Variants in TTC6 observed in about 807,000 individuals in gnomAD.
TTC6 encodes the protein tetratricopeptide repeat domain 6.
In TTC6, 172 loss-of-function variants were observed where a neutral mutation model predicts 210.4. The observed-to-expected ratio is 0.82, with a 90% CI of 0.72 to 0.93. The LOEUF is 0.93. Among genes scored for constraint, TTC6 ranks in the 40% least tolerant of loss-of-function variants. TTC6 has a pLI of 0.00. For synonymous variants in TTC6, 804 were observed against 819.6 expected, an observed-to-expected ratio of 0.98 and a Z score of 0.32; for missense variants, 2,414 against 2,318.1, an observed-to-expected ratio of 1.04 and a Z score of -0.85.
chr14:37,802,053 A>G (rs1439799700), intron 20 of TTC6: 1 of 152,218 alleles, frequency 6.6e-6, no homozygotes, highest in African/African-American at 2.4e-5. Context: ...ACGATGGAAT[A>G]TTATGCAGCA....
At chr14:37,759,209 G>C (rs961692207) in intron 14 of TTC6, among the ~76,000 whole-genome samples, 3 of 150,254 alleles carry the variant, frequency 2.0e-5, no homozygotes, top group African/African-American at 7.4e-5. Flanking sequence ...GTTGCAATGA[G>C]CCGAGATCGC....
chr14:37,624,822 CATGTTAG>C (rs2095657497), intron 1 of TTC6, among the ~76,000 whole-genome samples: 1 of 151,988 alleles, frequency 6.6e-6, no homozygotes. Context: ...AGGGTTTCAC[CATGTTAG>C]CCAGGATGGT....
At chr14:37,728,888 C>G (rs966917) in intron 7 of TTC6, among the ~76,000 whole-genome samples, 81,692 of 152,000 alleles carry the variant, frequency 0.54, 22,726 homozygotes, top group African/African-American at 0.68. Context: ...AGCATTCCCC[C>G]TCCTTAATGC....
chr14:37,661,248 T>A (rs1342798010), intron 1 of TTC6, among the ~76,000 whole-genome samples: 2 of 152,212 alleles, frequency 1.3e-5, no homozygotes, highest in African/African-American at 4.8e-5. Context: ...GTCTTTGCCA[T>A]ACAATCTTTG....
At chr14:37,684,972 A>G (rs556212069) in intron 3 of TTC6, among the ~76,000 whole-genome samples, 1 of 152,332 alleles carries the variant, frequency 6.6e-6, no homozygotes, top group Non-Finnish European at 1.5e-5. Context: ...CAGAAAAAGT[A>G]GAGAATTTGA....
Position 37,668,148 on chromosome 14 carries a change from T to A in TTC6, c.940-12003T>A, listed in dbSNP as rs177897. Among the ~76,000 whole-genome samples the A allele has an allele frequency of 3.8e-3, 575 of 149,850 alleles. 11 individuals are homozygous for A. Among genetic ancestry groups the A allele is most frequent in the African/African-American group, 0.013 (520 of 41,292 alleles). The stretch of plus-strand genomic sequence containing the variant: ...AGACTTCATCTAAAAAAAAAAAAAT[T>A]TGGCTGGATACCTCCTGACTGCAGG... On this transcript the variant is annotated intron_variant, in intron 1 of 30. Transcript: ENST00000553443.
intron 4 of TTC6, among the ~76,000 whole-genome samples, chr14:37,699,705 G>C (rs1338832154): frequency 6.6e-6 from 1 of 152,196 alleles, no homozygotes; most frequent in Non-Finnish European, 1.5e-5. Flanking sequence ...GAACACACCT[G>C]AGCAACCCTG....
intron 10 of TTC6, among the ~76,000 whole-genome samples, chr14:37,744,392 G>A (rs2095929793): frequency 6.6e-6 from 1 of 152,216 alleles, no homozygotes; most frequent in Non-Finnish European, 1.5e-5. Flanking sequence ...ATTTTAGACA[G>A]AGTGGTCAGA....
intron 23 of TTC6, among the ~76,000 whole-genome samples, chr14:37,808,176 T>G (rs1214471718): frequency 6.6e-6 from 1 of 152,214 alleles, no homozygotes. Context: ...TCTTTGTAGC[T>G]ATTTTATATG....
At chr14:37,771,353 C>G (rs1263080710) in intron 14 of TTC6, among the ~76,000 whole-genome samples, 2 of 151,832 alleles carry the variant, frequency 1.3e-5, no homozygotes, top group Admixed American at 6.6e-5. Flanking sequence ...GTTGGCCTAC[C>G]TTGCTAGACT....
Position 37,656,534 on chromosome 14 carries a change from T to C in TTC6, c.940-23617T>C, listed in dbSNP as rs911589944. Among the ~76,000 whole-genome samples the C allele has an allele frequency of 7.9e-5, 12 of 151,434 alleles. No individual in the cohort carries two copies. In the South Asian group the frequency reaches 1.0e-3, roughly 13 times the overall value. The stretch of plus-strand genomic sequence containing the variant: ...GTGTGCGTGTGTGTGTGTGTGTGTG[T>C]GTGTGTGCGTGTGTGTGTGTATTGA... On this transcript the variant is annotated intron_variant, in intron 1 of 30. Transcript: ENST00000553443.
At chr14:37,655,830 G>A (rs2095721505) in intron 1 of TTC6, among the ~76,000 whole-genome samples, 1 of 151,602 alleles carries the variant, frequency 6.6e-6, no homozygotes, top group Non-Finnish European at 1.5e-5. Flanking sequence ...CACAATTGAA[G>A]GCTACACATC....
intron 26 of TTC6, among the ~76,000 whole-genome samples, 185 bp from the exon 29 acceptor site, chr14:37,823,562 A>C (rs900261383): frequency 6.6e-6 from 1 of 152,122 alleles, no homozygotes; most frequent in Non-Finnish European, 1.5e-5. Context: ...TCTTCGAAGG[A>C]CCTGTCACAC....
intron 27 of TTC6, among the ~76,000 whole-genome samples, chr14:37,825,911 GT>G (rs1338675896): frequency 6.6e-6 from 1 of 152,018 alleles, no homozygotes; most frequent in Non-Finnish European, 1.5e-5. Context: ...GTTTCACATG[GT>G]GGCTATGATT....
chr14:37,624,218 C>G (rs2095656314), intron 1 of TTC6, among the ~76,000 whole-genome samples: 1 of 152,198 alleles, frequency 6.6e-6, no homozygotes, highest in African/African-American at 2.4e-5. Context: ...AGTTGAGACT[C>G]ACACCTCCCC....
intron 1 of TTC6, among the ~76,000 whole-genome samples, chr14:37,630,235 G>GTAAACACTGCT (rs1301482223): frequency 1.3e-5 from 2 of 152,096 alleles, no homozygotes; most frequent in African/African-American, 4.8e-5. Flanking sequence ...AAATTTCCCT[G>GTAAACACTGCT]TAAACACTGC....
At chr14:37,701,526 G>C (rs2095825429) in exon 5 of TTC6, 4 of 1,433,474 alleles carry the variant, frequency 2.8e-6, no homozygotes, top group Middle Eastern at 1.8e-4. Flanking sequence ...CAAACAGATA[G>C]GTAAGAGTTC....
intron 12 of TTC6, 50 bp from the exon 15 acceptor site, chr14:37,751,003 A>G (rs1284225358): frequency 8.1e-7 from 1 of 1,234,572 alleles, no homozygotes; most frequent in Non-Finnish European, 1.1e-6. Context: ...AAATTTTCAT[A>G]GGAATGAAAG....
chr14:37,753,759 T>G (rs1209038373), intron 14 of TTC6, among the ~76,000 whole-genome samples: 3 of 146,698 alleles, frequency 2.0e-5, no homozygotes, highest in Non-Finnish European at 3.0e-5. Context: ...TTTTTTTTTT[T>G]TGTGGAAATG....
Sources: gnomAD v4.1 joint callset for allele counts (sites outside exome capture counted in the v4.1 genomes callset) on GRCh38, gnomAD v4.1.1 for gene constraint, MANE v1.5 for transcripts, NCBI Gene and HGNC (gene_info 2026-07-23, HGNC 2026-07-21) for gene names.